Variants in LMOD1 observed in about 807,000 individuals in gnomAD.
LMOD1 encodes the protein leiomodin-1.
Under a neutral mutation model 36.5 loss-of-function variants are expected in LMOD1, and 8 were observed. That is an observed-to-expected ratio of 0.22 (90% confidence interval 0.13 to 0.40). The LOEUF is 0.40. Among genes scored for constraint, LMOD1 ranks in the 10% least tolerant of loss-of-function variants. LMOD1 has a pLI of 1.00. For synonymous variants in LMOD1, 284 were observed against 288.7 expected (o/e 0.98, Z 0.17); for missense variants, 630 against 751.1 (o/e 0.84, Z 1.88).
chr1:201,903,812 T>G (rs1055580461), intron 1 of LMOD1, among the ~76,000 whole-genome samples: 2 of 152,150 alleles, frequency 1.3e-5, no homozygotes, highest in Non-Finnish European at 1.5e-5. Flanking sequence ...ATTTCAGGAG[T>G]TCTCAGAGCC....
At position 201,896,555 on chromosome 1, in the gene LMOD1, A is replaced by C. The variant is rs1466427745; in HGVS notation, c.*1817T>G. The C allele has an allele frequency of 4.4e-6, 2 of 456,662 alleles. No homozygotes were observed. The highest frequency in any genetic ancestry group is 2.0e-5 in the African/African-American group (1 of 50,082). 28.3% of individuals were successfully genotyped at this position (456,662 alleles called of 1,614,324 possible). On this transcript the variant is annotated 3_prime_UTR_variant, in exon 3 of 3. Transcript: ENST00000367288. ...AATAGAATATTGGTATCCACCTCAC[A>C]GAGTTGAAGGATCAGCTGAAGCAAC...
At chr1:201,917,533 A>G (rs762404407) in intron 1 of LMOD1, among the ~76,000 whole-genome samples, 85 of 152,196 alleles carry the variant, frequency 5.6e-4, no homozygotes, top group Middle Eastern at 3.2e-3. Flanking sequence ...GGTCAACTCC[A>G]TTGCTCTCAG....
Position 201,935,276 on chromosome 1 carries a change from G to A in LMOD1, c.261+10804C>T, listed in dbSNP as rs529544135. Among the ~76,000 whole-genome samples the A allele has an allele frequency of 7.9e-5, 12 of 152,182 alleles. No individual in the cohort carries two copies. In the South Asian group the frequency reaches 2.3e-3, roughly 29 times the overall value. On this transcript the variant is annotated intron_variant, in intron 1 of 2. Transcript: ENST00000367288. Reference sequence around the variant, plus strand: ...ACGCATTGGGGGAAAGGGAAGAGTCGGGGTGATCCGTACTGCCTAAGCTAT... The same window carrying A: ...ACGCATTGGGGGAAAGGGAAGAGTCAGGGTGATCCGTACTGCCTAAGCTAT...
intron 1 of LMOD1, among the ~76,000 whole-genome samples, chr1:201,931,345 GC>G (rs1316682269): frequency 6.6e-6 from 1 of 152,136 alleles, no homozygotes; most frequent in Non-Finnish European, 1.5e-5. Flanking sequence ...GACCGGCCTG[GC>G]CAACATGGCG....
chr1:201,924,567 GGGAA>G (rs1191705560), intron 1 of LMOD1, among the ~76,000 whole-genome samples: 165 of 100,608 alleles, frequency 1.6e-3, no homozygotes, highest in Middle Eastern at 0.015. Context: ...GAGGGAGGGA[GGGAA>G]GGAAGGAAGG....
At chr1:201,945,337 C>A (rs970210352) in intron 1 of LMOD1, among the ~76,000 whole-genome samples, 1 of 152,188 alleles carries the variant, frequency 6.6e-6, no homozygotes, top group African/African-American at 2.4e-5. Flanking sequence ...CTATCTTCAA[C>A]CCCCAGCAAA....
chr1:201,909,493 G>A (rs1396868842), intron 1 of LMOD1, among the ~76,000 whole-genome samples: 3 of 152,108 alleles, frequency 2.0e-5, no homozygotes, highest in African/African-American at 7.2e-5. Flanking sequence ...CAATCCTCCT[G>A]CCTTGGCCTC....
At chr1:201,916,767 C>T (rs1450353645) in intron 1 of LMOD1, among the ~76,000 whole-genome samples, 1 of 152,146 alleles carries the variant, frequency 6.6e-6, no homozygotes, top group Non-Finnish European at 1.5e-5. Flanking sequence ...GCCTGACCTT[C>T]GCCTGGCTCT....
At chr1:201,925,933 C>T (rs779392519) in intron 1 of LMOD1, among the ~76,000 whole-genome samples, 1 of 151,990 alleles carries the variant, frequency 6.6e-6, no homozygotes, top group Non-Finnish European at 1.5e-5. Flanking sequence ...AGGCTGGTCT[C>T]GAACTCCTGG....
chr1:201,929,345 G>T (rs1166273166), intron 1 of LMOD1, among the ~76,000 whole-genome samples: 1 of 152,042 alleles, frequency 6.6e-6, no homozygotes, highest in Admixed American at 6.6e-5. Context: ...GCATACCAAA[G>T]TGCTGGGATT....
intron 1 of LMOD1, among the ~76,000 whole-genome samples, chr1:201,920,463 C>T (rs1681685883): frequency 1.3e-5 from 2 of 152,110 alleles, no homozygotes; most frequent in Admixed American, 6.5e-5. Context: ...AGCTGAGGCC[C>T]TTGGAGACAC....
chr1:201,940,372 A>G (rs1399466267), intron 1 of LMOD1, among the ~76,000 whole-genome samples: 3 of 150,888 alleles, frequency 2.0e-5, no homozygotes, highest in Admixed American at 2.0e-4. Context: ...TTTTTAGTAG[A>G]GATGGGGTTT....
intron 1 of LMOD1, among the ~76,000 whole-genome samples, chr1:201,904,596 A>G (rs1681383554): frequency 6.6e-6 from 1 of 152,084 alleles, no homozygotes. Context: ...ACTCCTTCCT[A>G]GTTACCTCCC....
intron 1 of LMOD1, among the ~76,000 whole-genome samples, chr1:201,934,463 T>C (rs1289605614): frequency 3.3e-5 from 5 of 152,130 alleles, no homozygotes; most frequent in Admixed American, 6.5e-5. Flanking sequence ...TCTATCCCTT[T>C]TTGCCCCCTT....
chr1:201,929,698 C>G (rs1441310464), intron 1 of LMOD1, among the ~76,000 whole-genome samples: 1 of 152,112 alleles, frequency 6.6e-6, no homozygotes, highest in African/African-American at 2.4e-5. Flanking sequence ...GATAGAACTG[C>G]CTTTGTAAAT....
intron 1 of LMOD1, among the ~76,000 whole-genome samples, chr1:201,944,080 G>C (rs1682164091): frequency 6.6e-6 from 1 of 152,168 alleles, no homozygotes; most frequent in African/African-American, 2.4e-5. Flanking sequence ...GACAGGGTGA[G>C]GAAGAGTGAG....
At chr1:201,940,939 G>A (rs1247712136) in intron 1 of LMOD1, among the ~76,000 whole-genome samples, 3 of 151,778 alleles carry the variant, frequency 2.0e-5, no homozygotes, top group South Asian at 2.1e-4. Context: ...TAGAGAAGGG[G>A]TTTCTCCATG....
At position 201,918,161 on chromosome 1, in the gene LMOD1, T is replaced by C. The variant is rs1036313287; in HGVS notation, c.262-17410A>G. Among the ~76,000 whole-genome samples the C allele has an allele frequency of 2.6e-5, 4 of 152,238 alleles. No homozygotes were observed. The East Asian group carries it at 7.7e-4, about 29-fold the overall frequency. ...TTCCCGCCTTCTCCCTCTTCAGGAA[T>C]GGCTCTCCCACCCCACAGACACTGG... is the stretch of plus-strand genomic sequence containing the variant. On this transcript the variant is annotated intron_variant, in intron 1 of 2. Transcript: ENST00000367288.
In LMOD1 at chr1:201,900,579, C is replaced by A. The variant is rs1347347707; in HGVS notation, c.434G>T (p.Ser145Ile). Reference protein sequence around the residue: ...SRDRDEAGGKSGEKPKEEKII... With the variant: ...SRDRDEAGGKIGEKPKEEKII... Reference sequence around the variant, plus strand: ...CTTCTCCTCCTTGGGCTTCTCGCCACTCTTGCCACCAGCTTCATCTCTGTC... The same window carrying A: ...CTTCTCCTCCTTGGGCTTCTCGCCAATCTTGCCACCAGCTTCATCTCTGTC... The change falls in exon 2 of 3, where the codon AGT becomes ATT. Residue 145 changes from serine to isoleucine, a missense_variant. This residue lies in a region of LMOD1 where 405 missense variants were observed against 400.6 expected (regional missense o/e 1.01). Coordinates refer to ENST00000367288, the MANE Select transcript of LMOD1 (RefSeq NM_012134.3). The A allele has an allele frequency of 6.2e-7, 1 of 1,613,930 alleles. No homozygotes were observed. The highest frequency in any genetic ancestry group is 2.2e-5 in the East Asian group (1 of 44,868).
Sources: allele counts gnomAD v4.1 joint callset (sites outside exome capture counted in the v4.1 genomes callset), GRCh38; gene constraint gnomAD v4.1.1; regional missense constraint gnomAD v4.1.1; transcripts MANE v1.5; gene names NCBI Gene and HGNC (gene_info 2026-07-23, HGNC 2026-07-21).